The following MTHFD1L variants were observed in gnomAD, a reference collection of about 807,000 sequenced individuals.
MTHFD1L encodes the protein monofunctional C1-tetrahydrofolate synthase, mitochondrial.
Under a neutral mutation model 119.5 loss-of-function variants are expected in MTHFD1L, and 81 were observed. The ratio of observed to expected loss-of-function variants is 0.68; its 90% CI spans 0.57 to 0.82. The LOEUF is 0.82. Among genes scored for constraint, MTHFD1L ranks in the 40% least tolerant of loss-of-function variants. The pLI, the probability that MTHFD1L is intolerant of heterozygous loss-of-function variation, is 0.00. For missense variants in MTHFD1L, 1,125 were observed against 1,253.4 expected, an observed-to-expected ratio of 0.90 and a Z score of 1.55; for synonymous variants, 430 against 475.2, an observed-to-expected ratio of 0.90 and a Z score of 1.24.
At chr6:151,073,267 T>C (rs1562629897) in intron 26 of MTHFD1L, among the ~76,000 whole-genome samples, 1 of 152,168 alleles carries the variant, frequency 6.6e-6, no homozygotes, top group Non-Finnish European at 1.5e-5. Flanking sequence ...GATCAAAGTG[T>C]GGTTGTGAGA....
At chr6:151,079,074 C>T (rs1486429398) in intron 26 of MTHFD1L, among the ~76,000 whole-genome samples, 1 of 152,104 alleles carries the variant, frequency 6.6e-6, no homozygotes, top group East Asian at 1.9e-4. Flanking sequence ...TGACAGCGCC[C>T]TAGCAAGATG....
At chr6:150,969,272 G>C (rs968125623) in intron 19 of MTHFD1L, among the ~76,000 whole-genome samples, 1 of 152,172 alleles carries the variant, frequency 6.6e-6, no homozygotes, top group Non-Finnish European at 1.5e-5. Context: ...GTGAGCCACC[G>C]TGCCCGGCCT....
At chr6:151,067,860 T>C (rs1791504838) in intron 26 of MTHFD1L, among the ~76,000 whole-genome samples, 1 of 152,234 alleles carries the variant, frequency 6.6e-6, no homozygotes, top group African/African-American at 2.4e-5. Flanking sequence ...TAATTCTTAT[T>C]CTCTTCCCCT....
At chr6:150,959,741 A>G (rs1438892864) in intron 17 of MTHFD1L, among the ~76,000 whole-genome samples, 4 of 152,202 alleles carry the variant, frequency 2.6e-5, no homozygotes, top group African/African-American at 7.2e-5. Flanking sequence ...CAGACAATGC[A>G]GCCTTCTTGA....
intron 26 of MTHFD1L, among the ~76,000 whole-genome samples, chr6:151,058,691 TTGGCC>T (rs1320221168): frequency 1.3e-5 from 2 of 152,226 alleles, no homozygotes; most frequent in Non-Finnish European, 2.9e-5. Context: ...CCTGAGTGGC[TTGGCC>T]TGGCCTGGCC....
chr6:150,869,813 T>A (rs1414434430), intron 1 of MTHFD1L, among the ~76,000 whole-genome samples: 3 of 151,984 alleles, frequency 2.0e-5, no homozygotes, highest in Non-Finnish European at 2.9e-5. Flanking sequence ...GTCAGAAAAA[T>A]TAAAGAATGA....
intron 8 of MTHFD1L, among the ~76,000 whole-genome samples, chr6:150,912,067 A>G (rs979141306): frequency 3.9e-5 from 6 of 152,030 alleles, no homozygotes; most frequent in African/African-American, 1.4e-4. Flanking sequence ...CTCACTCACT[A>G]TCATGAGAAC....
At chr6:150,930,175 TGG>T (rs1252573750) in intron 11 of MTHFD1L, among the ~76,000 whole-genome samples, 46 of 149,326 alleles carry the variant, frequency 3.1e-4, no homozygotes, top group Non-Finnish European at 6.2e-4. Context: ...AGACTGTGGG[TGG>T]ATCACTTGAG....
At chr6:150,923,487 AAAATCCCTCTAGTAAC>A (rs1400539447) in intron 10 of MTHFD1L, among the ~76,000 whole-genome samples, 2 of 145,266 alleles carry the variant, frequency 1.4e-5, no homozygotes, top group Non-Finnish European at 3.0e-5. Flanking sequence ...CCGAGGAGAT[AAAATCCCTCTAGTAAC>A]TGACACTTTA....
intron 8 of MTHFD1L, among the ~76,000 whole-genome samples, chr6:150,910,835 A>G (rs1786762118): frequency 1.3e-5 from 2 of 152,178 alleles, no homozygotes; most frequent in Admixed American, 6.5e-5. Flanking sequence ...TCTTGGCACA[A>G]TATACATTTA....
chr6:151,049,146 G>A (rs188349426), intron 26 of MTHFD1L, among the ~76,000 whole-genome samples: 55 of 152,282 alleles, frequency 3.6e-4, no homozygotes, highest in Admixed American at 9.2e-4. Context: ...ACTTGAGGTC[G>A]GAGGTTCGAG....
intron 26 of MTHFD1L, among the ~76,000 whole-genome samples, chr6:151,053,510 C>T (rs1789409850): frequency 6.6e-6 from 1 of 152,120 alleles, no homozygotes; most frequent in Non-Finnish European, 1.5e-5. Flanking sequence ...TAAATACATA[C>T]TGAATTTAGC....
chr6:150,974,883 T>C (rs1291865067), intron 20 of MTHFD1L, among the ~76,000 whole-genome samples: 5 of 152,070 alleles, frequency 3.3e-5, no homozygotes, highest in Admixed American at 6.6e-5. Context: ...ATTACAAACA[T>C]GCACCACCAC....
chr6:150,973,661 C>G (rs1776110778), intron 20 of MTHFD1L, among the ~76,000 whole-genome samples: 1 of 152,182 alleles, frequency 6.6e-6, no homozygotes, highest in African/African-American at 2.4e-5. Context: ...GTTATCATGG[C>G]AGAATACTTT....
At chr6:150,947,467 C>T (rs939912684) in intron 15 of MTHFD1L, among the ~76,000 whole-genome samples, 4 of 152,006 alleles carry the variant, frequency 2.6e-5, no homozygotes, top group East Asian at 2.0e-4. Flanking sequence ...TGTGGTGGCT[C>T]ACCCCTGTAA....
chr6:150,912,107 A>C (rs1787005117), intron 8 of MTHFD1L, among the ~76,000 whole-genome samples: 1 of 152,082 alleles, frequency 6.6e-6, no homozygotes, highest in African/African-American at 2.4e-5. Context: ...TAAGCCTTTC[A>C]TGAAGGGCCA....
chr6:150,955,943 C>T, intron 16 of MTHFD1L, 52 bp from the exon 17 acceptor site: 1 of 1,460,644 alleles, frequency 6.8e-7, no homozygotes, highest in Non-Finnish European at 9.6e-7. Context: ...AGACACACAC[C>T]AGGTGGCTGG....
chr6:150,987,263 C>G (rs1778443087), intron 20 of MTHFD1L, among the ~76,000 whole-genome samples: 1 of 152,034 alleles, frequency 6.6e-6, no homozygotes, highest in African/African-American at 2.4e-5. Context: ...GTTTGAGACC[C>G]CTTTATAGAG....
intron 10 of MTHFD1L, among the ~76,000 whole-genome samples, chr6:150,923,540 T>TATTTATTTC (rs57115594): frequency 6.1e-5 from 6 of 99,170 alleles, no homozygotes; most frequent in African/African-American, 2.6e-4. Flanking sequence ...TTTATTTATT[T>TATTTATTTC]TTTCTTTTTT....
Sources: gnomAD v4.1 joint callset for allele counts (sites outside exome capture counted in the v4.1 genomes callset) on GRCh38, gnomAD v4.1.1 for gene constraint, MANE v1.5 for transcripts, NCBI Gene and HGNC (gene_info 2026-07-23, HGNC 2026-07-21) for gene names.